The following NCKAP5 variants were observed in gnomAD, a reference collection of about 807,000 sequenced individuals.
NCKAP5 encodes NCK associated protein 5, also known as nck-associated protein 5.
NCKAP5 carries 92 observed loss-of-function variants against 167.0 expected under a neutral mutation model. The ratio of observed to expected loss-of-function variants is 0.55; its 90% CI spans 0.47 to 0.66. The LOEUF is 0.66. Ranked by LOEUF, NCKAP5 falls within the 30% of genes least tolerant of loss-of-function variation. NCKAP5 has a pLI of 0.00. For missense variants in NCKAP5, 2,378 were observed against 2,315.0 expected (o/e 1.03, Z -0.56); for synonymous variants, 891 against 877.4 (o/e 1.02, Z -0.27).
chr2:132,903,518 A>G (rs1284738784), intron 8 of NCKAP5, among the ~76,000 whole-genome samples: 2 of 152,224 alleles, frequency 1.3e-5, no homozygotes, highest in Non-Finnish European at 2.9e-5. Context: ...ATGTATGTTG[A>G]CAGACCTCAA....
intron 16 of NCKAP5, among the ~76,000 whole-genome samples, chr2:132,738,415 T>C (rs1002957461): frequency 3.9e-5 from 6 of 152,180 alleles, no homozygotes; most frequent in Non-Finnish European, 5.9e-5. Flanking sequence ...CAAGGAATTC[T>C]AGATGCCAAG....
intron 11 of NCKAP5, among the ~76,000 whole-genome samples, chr2:132,830,681 G>A (rs1687459193): frequency 6.6e-6 from 1 of 152,144 alleles, no homozygotes; most frequent in Non-Finnish European, 1.5e-5. Context: ...CTCTCACTGG[G>A]AGTGACAAGG....
chr2:133,216,699 T>C lies in NCKAP5; in HGVS notation c.144-2920A>G, dbSNP rs2086443711. On this transcript the variant is annotated intron_variant, in intron 4 of 19. Transcript: ENST00000409261. ...TTGGTACAGAAACACTAAATTCTTA[T>C]CTTCCATAATAGAAAGATAATACAT... 3.9e-5 allele frequency among the ~76,000 whole-genome samples: 6 copies of C among 152,142 alleles called. No homozygotes were observed. The South Asian group carries it at 1.0e-3, about 26-fold the overall frequency.
intron 11 of NCKAP5, among the ~76,000 whole-genome samples, chr2:132,820,104 A>T (rs1056045368): frequency 2.0e-5 from 3 of 152,330 alleles, no homozygotes; most frequent in Non-Finnish European, 4.4e-5. Flanking sequence ...AACCAGACTT[A>T]ATTTTTTAAA....
intron 8 of NCKAP5, among the ~76,000 whole-genome samples, chr2:132,948,831 G>T (rs142143150): frequency 6.6e-6 from 1 of 152,182 alleles, no homozygotes; most frequent in Non-Finnish European, 1.5e-5. Context: ...GCAGCCCATG[G>T]ACACAAGTAA....
At position 132,783,037 on chromosome 2, in the gene NCKAP5, G is replaced by C. The variant is rs1302815019; in HGVS notation, c.3774C>G (p.Ser1258Arg). 1 of 1,613,888 alleles carries C rather than the reference G, an allele frequency of 6.2e-7. No homozygotes were observed. The highest frequency in any genetic ancestry group is 8.5e-7 in the Non-Finnish European group (1 of 1,179,862). ...CCAGAGCTGGTTTTAGGTGTGGTTT[G>C]CTGGAGGAAAGGGATCTTCTCATGG... ...NRSMRRSLSS[S>R]KPHLKPALGM... Residue 1258 changes from serine (S) to arginine (R), a missense_variant, in exon 14 of 20, where the codon AGC becomes AGG. Transcript: ENST00000409261.
chr2:133,218,949 TAATA>T (rs1461294532), intron 4 of NCKAP5, among the ~76,000 whole-genome samples: 1 of 152,318 alleles, frequency 6.6e-6, no homozygotes, highest in East Asian at 1.9e-4. Context: ...AATACTATAT[TAATA>T]AATCATGAAA....
intron 3 of NCKAP5, among the ~76,000 whole-genome samples, chr2:133,390,092 C>A (rs1687288787): frequency 6.6e-6 from 1 of 152,204 alleles, no homozygotes; most frequent in Admixed American, 6.5e-5. Context: ...TAACACTCAC[C>A]TATGCAAACA....
At chr2:132,979,967 AT>A (rs202183850) in intron 7 of NCKAP5, among the ~76,000 whole-genome samples, 1,596 of 143,124 alleles carry the variant, frequency 0.011, 26 homozygotes, top group African/African-American at 0.038. Context: ...CAGTACAATG[AT>A]TTTTTTTTTC....
chr2:133,068,210 T>C (rs1301621462), intron 6 of NCKAP5, among the ~76,000 whole-genome samples: 2 of 152,170 alleles, frequency 1.3e-5, no homozygotes, highest in African/African-American at 4.8e-5. Context: ...AGGGCATACC[T>C]GAACCTTTGT....
intron 1 of NCKAP5, among the ~76,000 whole-genome samples, chr2:133,563,564 T>TTAAA (rs1688327230): frequency 1.9e-5 from 1 of 53,012 alleles, no homozygotes; most frequent in Non-Finnish European, 3.3e-5. Flanking sequence ...AAAGACTCCA[T>TTAAA]AAAAAAAAAA....
intron 6 of NCKAP5, among the ~76,000 whole-genome samples, chr2:133,049,902 C>T (rs2079544842): frequency 1.3e-5 from 2 of 152,158 alleles, no homozygotes; most frequent in South Asian, 4.1e-4. Context: ...GGTGTATGAA[C>T]CTGGTTCCAA....
At chr2:132,973,468 A>G (rs564560787) in intron 7 of NCKAP5, among the ~76,000 whole-genome samples, 6 of 152,226 alleles carry the variant, frequency 3.9e-5, no homozygotes, top group Non-Finnish European at 7.4e-5. Flanking sequence ...CTGTCCCTCA[A>G]TTTCTTCATC....
intron 11 of NCKAP5, among the ~76,000 whole-genome samples, chr2:132,835,608 A>G (rs1574372405): frequency 1.4e-5 from 2 of 142,260 alleles, no homozygotes; most frequent in East Asian, 2.1e-4. Context: ...TTTGTTGGGG[A>G]GGTGTGTTGA....
intron 6 of NCKAP5, among the ~76,000 whole-genome samples, chr2:133,128,909 T>A (rs1015603828): frequency 4.6e-5 from 7 of 151,824 alleles, no homozygotes; most frequent in African/African-American, 1.7e-4. Context: ...CATTCAAGTG[T>A]TCTAGTGATA....
chr2:133,660,981 G>C, the NCKAP5 span, among the ~76,000 whole-genome samples: 3 of 150,918 alleles, frequency 2.0e-5, no homozygotes, highest in Admixed American at 6.6e-5. Flanking sequence ...TCCTAGTCTA[G>C]ACAATAATTA....
chr2:133,245,071 A>G (rs1347316081), intron 4 of NCKAP5, among the ~76,000 whole-genome samples: 2 of 152,324 alleles, frequency 1.3e-5, no homozygotes, highest in African/African-American at 4.8e-5. Context: ...GGTCTCTGCC[A>G]CTGCTGGTGG....
chr2:132,868,444 AC>A (rs1195750665), intron 10 of NCKAP5, among the ~76,000 whole-genome samples: 1 of 152,190 alleles, frequency 6.6e-6, no homozygotes, highest in East Asian at 1.9e-4. Context: ...TATTGCAGTA[AC>A]TGTTCTACAT....
intron 8 of NCKAP5, among the ~76,000 whole-genome samples, chr2:132,940,294 C>A (rs1486076770): frequency 1.3e-5 from 2 of 152,090 alleles, no homozygotes; most frequent in Non-Finnish European, 2.9e-5. Context: ...TACTTAAGAG[C>A]TCATAATGGG....
Sources: gnomAD v4.1 joint callset for allele counts (sites outside exome capture counted in the v4.1 genomes callset) on GRCh38, gnomAD v4.1.1 for gene constraint, MANE v1.5 for transcripts, NCBI Gene and HGNC (gene_info 2026-07-23, HGNC 2026-07-21) for gene names.